The following CCDC171 variants were observed in gnomAD, a reference collection of about 807,000 sequenced individuals.
The protein encoded by CCDC171 is coiled-coil domain containing 171, also known as coiled-coil domain-containing protein 171.
In CCDC171, 177 loss-of-function variants were observed where a neutral mutation model predicts 168.2. The observed-to-expected ratio is 1.05, with a 90% confidence interval of 0.93 to 1.19. The LOEUF is 1.19. Among genes scored for constraint, CCDC171 ranks in the 50% most tolerant of loss-of-function variants. The pLI, the probability that CCDC171 is intolerant of heterozygous loss-of-function variation, is 0.00. For synonymous variants in CCDC171, 687 were observed against 540.8 expected, an observed-to-expected ratio of 1.27 and a Z score of -3.75; for missense variants, 1,991 against 1,539.0, an observed-to-expected ratio of 1.29 and a Z score of -4.91.
rs1481708504 is a variant in CCDC171 at position 15,677,898 on chromosome 9, ATATATATATATATATATATATATATAT to A, written c.1077-859_1077-833del. Among the ~76,000 whole-genome samples, 5 of 18,650 alleles carry A rather than the reference ATATATATATATATATATATATATATAT, an allele frequency of 2.7e-4. 1 individual carries two copies. The South Asian group carries it at 9.7e-3, about 36-fold the overall frequency. The allele number at this position is 18,650 out of a possible 152,430, so 12.2% of individuals were successfully genotyped here. On this transcript the variant is annotated intron_variant, in intron 9 of 25. Transcript: ENST00000380701. ...GTGTGTCATATATATATATATATAT[ATATATATATATATATATATATATATAT>A]AAGAGATGTGGTCTCATTCTGTTAC... is the stretch of plus-strand genomic sequence containing the variant.
intron 1 of CCDC171, among the ~76,000 whole-genome samples, chr9:16,054,809 G>A (rs958715124): frequency 6.6e-6 from 1 of 152,144 alleles, no homozygotes; most frequent in Non-Finnish European, 1.5e-5. Context: ...TTCTTAGTGG[G>A]GAGCATTTAG....
intron 25 of CCDC171, among the ~76,000 whole-genome samples, chr9:15,938,275 A>G (rs1304002353): frequency 1.3e-5 from 2 of 151,852 alleles, no homozygotes; most frequent in South Asian, 2.1e-4. Flanking sequence ...AAAGATGGGA[A>G]TAGATTTTCT....
intron 2 of CCDC171, among the ~76,000 whole-genome samples, chr9:15,564,534 T>C (rs975156271): frequency 3.9e-5 from 6 of 152,280 alleles, no homozygotes; most frequent in Non-Finnish European, 8.8e-5. Context: ...AGCATTCATT[T>C]AGTCTTAGCT....
At chr9:15,648,539 T>G (rs186573021) in intron 7 of CCDC171, among the ~76,000 whole-genome samples, 2 of 152,248 alleles carry the variant, frequency 1.3e-5, no homozygotes, top group African/African-American at 4.8e-5. Flanking sequence ...TGATAAGCAA[T>G]TTCAGCAAAG....
At chr9:15,903,073 C>CCT (rs1821948398) in intron 24 of CCDC171, among the ~76,000 whole-genome samples, 1 of 152,230 alleles carries the variant, frequency 6.6e-6, no homozygotes, top group African/African-American at 2.4e-5. Flanking sequence ...CTCAAGGAAG[C>CCT]GTGCCTGCCT....
At chr9:15,602,632 CTTTT>C (rs1050799184) in intron 6 of CCDC171, among the ~76,000 whole-genome samples, 1 of 31,000 alleles carries the variant, frequency 3.2e-5, no homozygotes, top group African/African-American at 9.7e-5. Context: ...TTTCTCATTT[CTTTT>C]TTTTTTTTTT....
intron 7 of CCDC171, among the ~76,000 whole-genome samples, chr9:15,631,041 T>C (rs1241285848): frequency 2.0e-5 from 3 of 151,834 alleles, no homozygotes; most frequent in Admixed American, 1.3e-4. Context: ...GGGAAATTTA[T>C]AGCACTAAAT....
At chr9:15,856,399 A>C (rs1254673081) in intron 23 of CCDC171, among the ~76,000 whole-genome samples, 1 of 151,892 alleles carries the variant, frequency 6.6e-6, no homozygotes, top group Non-Finnish European at 1.5e-5. Context: ...GAGTTCGACT[A>C]TTTTAGATAC....
At chr9:16,086,740 C>T in the CCDC171 span, among the ~76,000 whole-genome samples, 2 of 152,000 alleles carry the variant, frequency 1.3e-5, no homozygotes, top group Non-Finnish European at 2.9e-5. Context: ...TTAGTTATTT[C>T]TTGTCTTCTG....
intron 21 of CCDC171, among the ~76,000 whole-genome samples, chr9:15,842,690 T>C (rs1195095599): frequency 6.6e-6 from 1 of 151,972 alleles, no homozygotes; most frequent in Non-Finnish European, 1.5e-5. Context: ...AATTGTTTAG[T>C]ATGTGGATTA....
chr9:15,585,150 T>G (rs957236434), intron 4 of CCDC171, among the ~76,000 whole-genome samples: 8 of 152,302 alleles, frequency 5.3e-5, no homozygotes, highest in Non-Finnish European at 8.8e-5. Context: ...AATGGGAGTG[T>G]AAAATGATAC....
Position 15,594,187 on chromosome 9 carries a change from A to G in CCDC171, c.675+15A>G, listed in dbSNP as rs376268969. ...TTATAGTACAGGTATTTTAAAAATA[A>G]TCAGTTCCTTAAATATATATTTTTA... On this transcript the variant is annotated intron_variant, in intron 6 of 25. Coordinates refer to ENST00000380701, the MANE Select transcript of CCDC171 (RefSeq NM_173550.4). 9.5e-5 allele frequency: 119 copies of G among 1,257,060 alleles called. No individual in the cohort carries two copies. Among genetic ancestry groups the G allele is most frequent in the Middle Eastern group, 1.9e-4 (1 of 5,300 alleles). The allele number at this position is 1,257,060 out of a possible 1,614,324, so 77.9% of individuals were successfully genotyped here.
chr9:15,578,563 C>T (rs1006610466), intron 3 of CCDC171, among the ~76,000 whole-genome samples: 1 of 151,206 alleles, frequency 6.6e-6, no homozygotes, highest in Non-Finnish European at 1.5e-5. Context: ...AGCCACCGTG[C>T]CTGGCCAAGG....
intron 25 of CCDC171, among the ~76,000 whole-genome samples, chr9:15,940,052 T>G (rs1005810348): frequency 2.6e-5 from 4 of 151,974 alleles, no homozygotes; most frequent in Non-Finnish European, 5.9e-5. Context: ...ATGCGTACAC[T>G]CTTTTTGGCA....
At chr9:15,575,277 C>G (rs1409599741) in intron 3 of CCDC171, among the ~76,000 whole-genome samples, 2 of 146,464 alleles carry the variant, frequency 1.4e-5, no homozygotes, top group Non-Finnish European at 3.0e-5. Context: ...CTCAAGTGAT[C>G]TCCTACATCA....
chr9:15,943,209 A>G (rs906346857), intron 25 of CCDC171, among the ~76,000 whole-genome samples: 24 of 151,992 alleles, frequency 1.6e-4, no homozygotes, highest in African/African-American at 5.8e-4. Context: ...CCTAGTTCGC[A>G]TGGTGGCAGT....
chr9:15,636,540 G>T (rs1215616933), intron 7 of CCDC171, among the ~76,000 whole-genome samples: 2 of 151,904 alleles, frequency 1.3e-5, no homozygotes, highest in East Asian at 3.9e-4. Context: ...CTTGAGACCA[G>T]GAGTTCAAGA....
At chr9:15,650,398 T>TA (rs1330413964) in intron 7 of CCDC171, among the ~76,000 whole-genome samples, 5 of 151,566 alleles carry the variant, frequency 3.3e-5, no homozygotes, top group Admixed American at 2.6e-4. Flanking sequence ...TAAAGTATAA[T>TA]AAAAAAAAGA....
chr9:15,745,817 CTATT>C (rs1588261606), intron 18 of CCDC171, among the ~76,000 whole-genome samples, 186 bp downstream of exon 18: 2 of 151,982 alleles, frequency 1.3e-5, no homozygotes, highest in Admixed American at 1.3e-4. Flanking sequence ...AATTTTGTCT[CTATT>C]TATGGGGAAA....
Sources: gnomAD v4.1 joint callset for allele counts (sites outside exome capture counted in the v4.1 genomes callset) on GRCh38, gnomAD v4.1.1 for gene constraint, MANE v1.5 for transcripts, NCBI Gene and HGNC (gene_info 2026-07-23, HGNC 2026-07-21) for gene names.